The following STPG1 variants were observed in gnomAD, a reference collection of about 807,000 sequenced individuals.
STPG1 encodes O(6)-methylguanine-induced apoptosis 2.
Under a neutral mutation model 40.1 loss-of-function variants are expected in STPG1, and 33 were observed. That is an observed-to-expected ratio of 0.82 (90% CI 0.62 to 1.10). The LOEUF (loss-of-function observed/expected upper bound fraction) is 1.10, where lower values mean the gene tolerates loss of function less well. Among genes scored for constraint, STPG1 ranks in the 50% least tolerant of loss-of-function variants. The pLI is 0.00. For synonymous variants in STPG1, 150 were observed against 155.0 expected, an observed-to-expected ratio of 0.97 and a Z score of 0.24; for missense variants, 396 against 415.1, an observed-to-expected ratio of 0.95 and a Z score of 0.40.
intron 3 of STPG1, among the ~76,000 whole-genome samples, chr1:24,387,105 C>T (rs975153400): frequency 6.6e-6 from 1 of 152,168 alleles, no homozygotes; most frequent in East Asian, 1.9e-4. Context: ...TGGGACTGAG[C>T]AGCTTATTAG....
intron 3 of STPG1, among the ~76,000 whole-genome samples, chr1:24,384,654 T>C (rs12093535): frequency 0.029 from 4,453 of 152,256 alleles, 242 homozygotes; most frequent in African/African-American, 0.099. Flanking sequence ...TTCATTGCAT[T>C]TCCCATGCTA....
chr1:24,385,181 T>C (rs1642453215), intron 3 of STPG1, among the ~76,000 whole-genome samples: 1 of 152,240 alleles, frequency 6.6e-6, no homozygotes, highest in Non-Finnish European at 1.5e-5. Context: ...CTTTCCAGTC[T>C]GGCTGGGCAG....
At chr1:24,398,265 CT>C (rs1286540394) in intron 2 of STPG1, among the ~76,000 whole-genome samples, 3 of 152,108 alleles carry the variant, frequency 2.0e-5, no homozygotes, top group East Asian at 3.9e-4. Flanking sequence ...ACAGAAAAAG[CT>C]TTTCATAAGA....
intron 7 of STPG1, among the ~76,000 whole-genome samples, chr1:24,363,006 T>G (rs1004914019): frequency 6.6e-6 from 1 of 152,182 alleles, no homozygotes; most frequent in African/African-American, 2.4e-5. Flanking sequence ...AGACATTTGA[T>G]GAGTTTGTGG....
chr1:24,358,660 G>C (rs767936084), intron 8 of STPG1, 41 bp from the exon 9 acceptor site: 2 of 1,496,490 alleles, frequency 1.3e-6, no homozygotes, highest in Non-Finnish European at 1.9e-6. Context: ...AGAGAGAAAA[G>C]GCCCATTGCT....
At chr1:24,393,693 ACTC>A (rs936106979) in intron 2 of STPG1, among the ~76,000 whole-genome samples, 7 of 152,116 alleles carry the variant, frequency 4.6e-5, no homozygotes, top group African/African-American at 1.4e-4. Context: ...GGATGACTGA[ACTC>A]CTATTTCTTA....
chr1:24,410,924 T>C (rs972827916), intron 1 of STPG1: 1 of 152,192 alleles, frequency 6.6e-6, no homozygotes, highest in Non-Finnish European at 1.5e-5. Context: ...AGTCCTGGGT[T>C]CAAGGTTATG....
At chr1:24,395,421 T>C (rs1642953760) in intron 2 of STPG1, among the ~76,000 whole-genome samples, 1 of 146,122 alleles carries the variant, frequency 6.8e-6, no homozygotes, top group Admixed American at 7.0e-5. Context: ...TGAGTATAAA[T>C]TGAACAATTT....
intron 4 of STPG1, among the ~76,000 whole-genome samples, chr1:24,382,917 C>CTTTTTTTTTTTT (rs56972835): frequency 1.3e-4 from 17 of 133,496 alleles, no homozygotes; most frequent in African/African-American, 4.7e-4. Flanking sequence ...TTTCTTTTCA[C>CTTTTTTTTTTTT]TTTTTTTTTT....
intron 4 of STPG1, among the ~76,000 whole-genome samples, chr1:24,382,411 G>A (rs34968455): frequency 0.09 from 13,723 of 152,208 alleles, 676 homozygotes; most frequent in Non-Finnish European, 0.12. Flanking sequence ...TCATTGCAAC[G>A]TTAATTTGCC....
intron 1 of STPG1, among the ~76,000 whole-genome samples, chr1:24,409,226 G>A (rs930938119): frequency 6.6e-6 from 1 of 152,192 alleles, no homozygotes; most frequent in African/African-American, 2.4e-5. Flanking sequence ...CAGGCATGGT[G>A]GCATGTGCCT....
chr1:24,372,013 A>C (rs1401955844), intron 6 of STPG1, among the ~76,000 whole-genome samples: 1 of 152,202 alleles, frequency 6.6e-6, no homozygotes, highest in African/African-American at 2.4e-5. Context: ...TCCTGTTTTT[A>C]CTAAAAATAC....
intron 6 of STPG1, among the ~76,000 whole-genome samples, chr1:24,370,789 CT>C (rs34898446): frequency 0.023 from 3,416 of 147,004 alleles, 51 homozygotes; most frequent in Non-Finnish European, 0.034. Context: ...CTGTGCCCAG[CT>C]TTTTTTTTTT....
At position 24,409,826 on chromosome 1, in the gene STPG1, T is replaced by C. The variant is rs147536938; in HGVS notation, c.-69+3848A>G. ...GTGCTTGTGTTCAAGTAACTCTTACTTTACTTAATAATGGCCCCAAAGCAC... is the reference window on the plus strand; with the variant it reads ...GTGCTTGTGTTCAAGTAACTCTTACCTTACTTAATAATGGCCCCAAAGCAC... On this transcript the variant is annotated intron_variant, in intron 1 of 8. Coordinates refer to ENST00000337248, the MANE Select transcript of STPG1 (RefSeq NM_001199013.2). 6.0e-4 allele frequency among the ~76,000 whole-genome samples: 91 copies of C among 152,334 alleles called. 1 individual carries two copies. The highest frequency in any genetic ancestry group is 6.8e-3 in the Middle Eastern group (2 of 294).
At position 24,358,555 on chromosome 1, in the gene STPG1, G is replaced by A. The variant is rs765488575; in HGVS notation, c.993C>T (p.Ile331=). 3 of 1,613,900 alleles carry A rather than the reference G, an allele frequency of 1.9e-6. No individual in the cohort carries two copies. Among genetic ancestry groups the A allele is most frequent in the Non-Finnish European group, 2.5e-6 (3 of 1,179,764 alleles). Reference sequence around the variant, plus strand: ...TTGTGTGACATCCCTACAGAACCGGGATCCATTTCTTGTCCTCGTTGTAGA... The same window carrying A: ...TTGTGTGACATCCCTACAGAACCGGAATCCATTTCTTGTCCTCGTTGTAGA... ...SFLYNEDKKW[I]PVL The change falls in exon 9 of 9, where the codon ATC becomes ATT. Residue 331 remains isoleucine, a synonymous_variant. Transcript: ENST00000337248.
At chr1:24,370,255 T>C (rs1279805074) in intron 6 of STPG1, among the ~76,000 whole-genome samples, 1 of 152,112 alleles carries the variant, frequency 6.6e-6, no homozygotes, top group Non-Finnish European at 1.5e-5. Context: ...GACAGTTGAA[T>C]AATATTTTAA....
Position 24,391,599 on chromosome 1 carries a change from C to A in STPG1, c.151G>T (p.Gly51Ter), listed in dbSNP as rs868391249. ...AATCTCTTGGCTTGACTATTGAATC[C>A]TTTTTTTTCTGATTCTGGGATTACT... The part of the protein sequence containing the change: ...ASVIPESEKK[G>*]FNSQAKRFPH... The change falls in exon 3 of 9, where the codon GGA (glycine) becomes TGA (stop). Residue 51 changes from glycine to a stop codon, truncating the protein, a stop_gained. Transcript: ENST00000337248. LOFTEE classifies it high-confidence loss of function. The A allele has an allele frequency of 1.4e-5, 22 of 1,539,144 alleles. No individual in the cohort carries two copies. The highest frequency in any genetic ancestry group is 2.5e-5 in the East Asian group (1 of 40,762).
chr1:24,374,383 G>A (rs368507926), intron 5 of STPG1, among the ~76,000 whole-genome samples: 3 of 144,706 alleles, frequency 2.1e-5, no homozygotes, highest in Non-Finnish European at 4.5e-5. Context: ...CTCAGCCTCC[G>A]GAGTAGCTGG....
intron 3 of STPG1, among the ~76,000 whole-genome samples, chr1:24,390,394 C>T (rs1642710273): frequency 6.6e-6 from 1 of 152,050 alleles, no homozygotes; most frequent in Non-Finnish European, 1.5e-5. Flanking sequence ...GTGGGTGACA[C>T]AGGAATATGA....
Sources: allele counts gnomAD v4.1 joint callset (sites outside exome capture counted in the v4.1 genomes callset), GRCh38; gene constraint gnomAD v4.1.1; transcripts MANE v1.5; gene names NCBI Gene and HGNC (gene_info 2026-07-23, HGNC 2026-07-21).